Variants in MAN1A1 observed in about 807,000 individuals in gnomAD.
The protein encoded by MAN1A1 is mannosyl-oligosaccharide 1,2-alpha-mannosidase IA.
Under a neutral mutation model 70.8 loss-of-function variants are expected in MAN1A1, and 29 were observed. That is an observed-to-expected ratio of 0.41 (90% CI 0.31 to 0.56). The LOEUF is 0.56. Among genes scored for constraint, MAN1A1 ranks in the 20% least tolerant of loss-of-function variants. The pLI, the probability that MAN1A1 is intolerant of heterozygous loss-of-function variation, is 0.29. For missense variants in MAN1A1, 747 were observed against 841.3 expected, an observed-to-expected ratio of 0.89 and a Z score of 1.39; for synonymous variants, 349 against 330.1, an observed-to-expected ratio of 1.06 and a Z score of -0.62.
chr6:119,345,897 C>T (rs1773715840), intron 2 of MAN1A1, among the ~76,000 whole-genome samples: 1 of 152,148 alleles, frequency 6.6e-6, no homozygotes, highest in Non-Finnish European at 1.5e-5. Context: ...CACTTGAGGT[C>T]AAGTTCGTGA....
At chr6:119,281,474 T>C (rs1383057453) in intron 5 of MAN1A1, among the ~76,000 whole-genome samples, 2 of 152,212 alleles carry the variant, frequency 1.3e-5, no homozygotes, top group Non-Finnish European at 2.9e-5. Context: ...TTCAGACAAG[T>C]GCATTAAAAG....
chr6:119,265,235 G>A lies in MAN1A1; in HGVS notation c.898-16881C>T, dbSNP rs533526279. On this transcript the variant is annotated intron_variant, in intron 5 of 12. Coordinates refer to ENST00000368468, the MANE Select transcript of MAN1A1 (RefSeq NM_005907.4). ...CCTACCTCAGCCTCTCAAGTAGCTG[G>A]GACTACAGGCATGCACCAATACACC... Among the ~76,000 whole-genome samples the A allele has an allele frequency of 4.0e-5, 6 of 151,868 alleles. No homozygotes were observed. The East Asian group carries it at 1.2e-3, about 29-fold the overall frequency.
chr6:119,349,898 G>T, upstream of MAN1A1: 2 of 367,072 alleles, frequency 5.4e-6, no homozygotes, highest in Non-Finnish European at 7.6e-6. Flanking sequence ...GATGCGCGGG[G>T]CGGGGAGTTT....
rs77913206 is a variant in MAN1A1, at chr6:119,287,774, C to A, written c.897+2909G>T. 9.1e-3 allele frequency among the ~76,000 whole-genome samples: 1,388 copies of A among 151,996 alleles called. 39 individuals are homozygous for A. Among genetic ancestry groups the A allele is most frequent in the East Asian group, 0.031 (159 of 5,182 alleles). On this transcript the variant is annotated intron_variant, in intron 5 of 12. Transcript: ENST00000368468. ...ATTTTGGGTAATCATATTCTAGATG[C>A]TGCTATATTTACTATCTCCAGTGAG...
intron 2 of MAN1A1, among the ~76,000 whole-genome samples, chr6:119,315,616 G>C (rs1476792799): frequency 6.6e-6 from 1 of 152,092 alleles, no homozygotes; most frequent in African/African-American, 2.4e-5. Context: ...AAAGAATAAA[G>C]AAATACTTGA....
At chr6:119,180,246 T>G (rs1562179087) in intron 12 of MAN1A1, 66 bp downstream of exon 12, 1 of 1,088,310 alleles carries the variant, frequency 9.2e-7, no homozygotes, top group African/African-American at 1.6e-5. Flanking sequence ...GTGTTCATGA[T>G]AAAGACATCT....
chr6:119,279,721 C>T (rs1308694093), intron 5 of MAN1A1, among the ~76,000 whole-genome samples: 2 of 152,204 alleles, frequency 1.3e-5, no homozygotes, highest in Non-Finnish European at 2.9e-5. Flanking sequence ...CTACCTTCTC[C>T]TCCGCTTTCT....
intron 6 of MAN1A1, among the ~76,000 whole-genome samples, chr6:119,229,818 C>A (rs529464679): frequency 2.6e-5 from 4 of 152,132 alleles, no homozygotes; most frequent in Non-Finnish European, 4.4e-5. Context: ...TTTTTGGTAA[C>A]TGGACTCATT....
At chr6:119,216,918 T>C (rs926102402) in intron 6 of MAN1A1, among the ~76,000 whole-genome samples, 1 of 152,246 alleles carries the variant, frequency 6.6e-6, no homozygotes, top group African/African-American at 2.4e-5. Context: ...CTGCACAGTA[T>C]TCTGTGGATG....
chr6:119,206,425 T>C (rs985248749), intron 6 of MAN1A1, among the ~76,000 whole-genome samples: 1 of 152,214 alleles, frequency 6.6e-6, no homozygotes, highest in Non-Finnish European at 1.5e-5. Context: ...TGAGGATTAC[T>C]GGCGCTTGCA....
chr6:119,348,753 G>A lies in MAN1A1; in HGVS notation c.313C>T (p.Arg105Cys), dbSNP rs1016540273. ...GGGTCCCCGGGTGCCCCCTCCTCGC[G>A]GCGCCGGGCTCGCCCCTCGGCCGCG... ...EDAAEGRARR[R>C]EEGAPGDPEA... The change falls in exon 2 of 13, where the codon CGC (arginine) becomes TGC (cysteine). Residue 105 changes from arginine to cysteine, a missense_variant. Arg to Cys is a radical substitution (Grantham distance 180). Around this residue, in one of 2 missense-constraint regions of MAN1A1, gnomAD observed 328 missense variants for 293.1 expected, o/e 1.12. Transcript: ENST00000368468. 3.2e-6 allele frequency: 5 copies of A among 1,557,294 alleles called. No homozygotes were observed. The African/African-American group carries it at 7.1e-5, about 22-fold the overall frequency.
chr6:119,232,883 C>T (rs375792176), intron 6 of MAN1A1, among the ~76,000 whole-genome samples: 5 of 152,118 alleles, frequency 3.3e-5, no homozygotes, highest in East Asian at 1.9e-4. Flanking sequence ...TATTTTGTAA[C>T]GTCTTCAGTT....
At chr6:119,331,516 T>G (rs1773309128) in intron 2 of MAN1A1, among the ~76,000 whole-genome samples, 1 of 148,750 alleles carries the variant, frequency 6.7e-6, no homozygotes, top group South Asian at 2.1e-4. Flanking sequence ...CATTAATGCT[T>G]AAGGTATTAT....
intron 5 of MAN1A1, among the ~76,000 whole-genome samples, chr6:119,274,289 T>C (rs1028669175): frequency 2.0e-5 from 3 of 152,240 alleles, no homozygotes; most frequent in African/African-American, 7.2e-5. Flanking sequence ...TCTTACTTTT[T>C]CTAAGTGAAT....
intron 7 of MAN1A1, among the ~76,000 whole-genome samples, chr6:119,201,998 C>T (rs955750366): frequency 3.3e-5 from 5 of 151,970 alleles, no homozygotes; most frequent in African/African-American, 7.3e-5. Flanking sequence ...AGGCCTGGGA[C>T]GTTACTGTAT....
chr6:119,188,491 G>A lies in MAN1A1; in HGVS notation c.1633C>T (p.Arg545Trp), dbSNP rs1773352247. The change falls in exon 11 of 13, where the codon CGG becomes TGG. Residue 545 changes from arginine (R) to tryptophan (W), a missense_variant. Arg to Trp is a moderately radical substitution (Grantham distance 101, BLOSUM62 -3). Around this residue, in one of 2 missense-constraint regions of MAN1A1, gnomAD observed 419 missense variants for 548.2 expected, o/e 0.76. Transcript: ENST00000368468. ...TRQNEKYYIL[R>W]PEVMETYMYM... Reference sequence around the variant, plus strand: ...ATGTAAGTCTCCATAACTTCTGGCCGTAAGATGTAGTATTTTTCATTTTGT... The same window carrying A: ...ATGTAAGTCTCCATAACTTCTGGCCATAAGATGTAGTATTTTTCATTTTGT... The A allele has an allele frequency of 6.2e-7, 1 of 1,613,796 alleles. No homozygotes were observed.
intron 8 of MAN1A1, 87 bp from the exon 9 acceptor site, chr6:119,193,979 C>T (rs1168423675): frequency 2.8e-6 from 2 of 716,646 alleles, no homozygotes; most frequent in South Asian, 3.3e-5. Flanking sequence ...TAGGATGCAA[C>T]CCTATGTCAA....
intron 6 of MAN1A1, among the ~76,000 whole-genome samples, chr6:119,210,701 G>GAAT (rs1774025317): frequency 6.6e-6 from 1 of 150,662 alleles, no homozygotes; most frequent in African/African-American, 2.4e-5. Flanking sequence ...TCATGTTTAT[G>GAAT]AATCATTTCT....
At chr6:119,206,994 G>A (rs1773878425) in intron 6 of MAN1A1, among the ~76,000 whole-genome samples, 2 of 152,160 alleles carry the variant, frequency 1.3e-5, no homozygotes, top group Admixed American at 6.5e-5. Context: ...AGAGCATGTG[G>A]TAGCACACTC....
Sources: gnomAD v4.1 joint callset for allele counts (sites outside exome capture counted in the v4.1 genomes callset) on GRCh38, gnomAD v4.1.1 for gene constraint, gnomAD v4.1.1 regional missense constraint, MANE v1.5 for transcripts, NCBI Gene and HGNC (gene_info 2026-07-23, HGNC 2026-07-21) for gene names.